MTAP: variants seen among roughly 807,000 people sequenced by gnomAD.
MTAP encodes the protein S-methyl-5'-thioadenosine phosphorylase.
MTAP carries 33 observed loss-of-function variants against 33.6 expected under a neutral mutation model. The observed-to-expected ratio is 0.98, with a 90% CI of 0.74 to 1.31. MTAP has a LOEUF of 1.31. Among genes scored for constraint, MTAP ranks in the 40% most tolerant of loss-of-function variants. MTAP has a pLI of 0.00. For synonymous variants in MTAP, 148 were observed against 125.7 expected (o/e 1.18, Z -1.19); for missense variants, 367 against 360.0 (o/e 1.02, Z -0.16).
chr9:21,888,096 C>T (rs562568509), intron 1 of MTAP, among the ~76,000 whole-genome samples: 1 of 152,214 alleles, frequency 6.6e-6, no homozygotes, highest in South Asian at 2.1e-4. Flanking sequence ...CATTTAGGAG[C>T]AGGTTATTTA....
intron 1 of MTAP, chr9:21,930,359 G>T: frequency 4.9e-6 from 1 of 204,654 alleles, no homozygotes; most frequent in Admixed American, 5.4e-5. Context: ...CTGTGTTTGT[G>T]GCCAATCAGT....
At chr9:21,832,542 C>T (rs1824994542) in intron 4 of MTAP, among the ~76,000 whole-genome samples, 1 of 152,194 alleles carries the variant, frequency 6.6e-6, no homozygotes, top group Non-Finnish European at 1.5e-5. Context: ...GAAACTTAAG[C>T]ATAAACTCTT....
At chr9:21,881,607 A>C (rs1187409467) in intron 1 of MTAP, among the ~76,000 whole-genome samples, 2 of 152,084 alleles carry the variant, frequency 1.3e-5, no homozygotes, top group Admixed American at 1.3e-4. Flanking sequence ...TGATGATAGC[A>C]AATAACCAAT....
chr9:21,879,497 T>G (rs1181206857), intron 1 of MTAP, among the ~76,000 whole-genome samples: 1 of 152,130 alleles, frequency 6.6e-6, no homozygotes, highest in Non-Finnish European at 1.5e-5. Flanking sequence ...ATCTTGTTTT[T>G]TTTATCCAGC....
downstream of MTAP, among the ~76,000 whole-genome samples, chr9:21,870,725 A>G (rs999072555): frequency 1.3e-5 from 2 of 151,490 alleles, no homozygotes; most frequent in Admixed American, 1.3e-4. Flanking sequence ...AATCTTTGGG[A>G]TCAGATATTT....
At position 21,854,630 on chromosome 9, in the gene MTAP, G is replaced by A. The variant is rs1442234626; in HGVS notation, c.451-1G>A. 8 of 1,538,980 alleles carry A rather than the reference G, an allele frequency of 5.2e-6. No homozygotes were observed. The highest frequency in any genetic ancestry group is 6.1e-6 in the Non-Finnish European group (7 of 1,144,280). Reference sequence around the variant, plus strand: ...TGAAGTTTCTGGTTTTTCTTTTCTAGGTTCTTATAGAGACTGCTAAGAAGC... The same window carrying A: ...TGAAGTTTCTGGTTTTTCTTTTCTAAGTTCTTATAGAGACTGCTAAGAAGC... On this transcript the variant is annotated splice_acceptor_variant, in intron 5 of 7. Transcript: ENST00000644715. LOFTEE classifies it high-confidence loss of function.
intron 5 of MTAP, 81 bp from the exon 6 acceptor site, chr9:21,854,550 T>G: frequency 6.9e-7 from 1 of 1,452,880 alleles, no homozygotes. Context: ...AGAAATCAAC[T>G]TGGTAAACAT....
At chr9:21,844,003 A>G (rs1458057091) in intron 5 of MTAP, among the ~76,000 whole-genome samples, 1 of 152,356 alleles carries the variant, frequency 6.6e-6, no homozygotes, top group Admixed American at 6.5e-5. Flanking sequence ...TTAACCAAGA[A>G]GAGAAAAGAT....
intron 1 of MTAP, among the ~76,000 whole-genome samples, chr9:21,878,744 A>G (rs564034732): frequency 1.8e-3 from 281 of 152,256 alleles, no homozygotes; most frequent in African/African-American, 6.6e-3. Context: ...CAGAAATTTT[A>G]GCAAGTTGTA....
intron 7 of MTAP, 74 bp from the exon 8 acceptor site, chr9:21,861,902 T>TG (rs1039332205): frequency 4.4e-4 from 400 of 915,072 alleles, no homozygotes; most frequent in East Asian, 1.1e-3. Flanking sequence ...AATCAAAATC[T>TG]GTTTTTTTTT....
downstream of MTAP, chr9:21,932,274 T>C (rs1818973812): frequency 6.6e-6 from 1 of 152,180 alleles, no homozygotes; most frequent in Non-Finnish European, 1.5e-5. Flanking sequence ...AGACACTTGG[T>C]CTATAGTTTA....
downstream of MTAP, among the ~76,000 whole-genome samples, chr9:21,939,604 C>A (rs953434744): frequency 6.6e-6 from 1 of 152,096 alleles, no homozygotes; most frequent in East Asian, 1.9e-4. Flanking sequence ...TATCTCATGC[C>A]TGTAATCCCA....
chr9:21,876,773 A>G (rs1253793128), intron 1 of MTAP, among the ~76,000 whole-genome samples: 3 of 151,762 alleles, frequency 2.0e-5, no homozygotes, highest in Non-Finnish European at 2.9e-5. Context: ...TGCAGTTTGG[A>G]TTATAGTTCG....
downstream of MTAP, among the ~76,000 whole-genome samples, chr9:21,939,694 G>A (rs1819103094): frequency 6.7e-6 from 1 of 149,750 alleles, no homozygotes; most frequent in Admixed American, 6.6e-5. Context: ...TGAAACCCCA[G>A]CTCTATGAAA....
chr9:21,885,368 T>A (rs1818091907), intron 1 of MTAP, among the ~76,000 whole-genome samples: 1 of 152,194 alleles, frequency 6.6e-6, no homozygotes, highest in South Asian at 2.1e-4. Context: ...AACCTAAAGG[T>A]TCTGGGCACC....
At chr9:21,898,242 TA>T (rs1248334673) in intron 1 of MTAP, among the ~76,000 whole-genome samples, 1 of 152,188 alleles carries the variant, frequency 6.6e-6, no homozygotes, top group African/African-American at 2.4e-5. Flanking sequence ...CAAGGTGGAT[TA>T]AAGACTTAAA....
intron 1 of MTAP, among the ~76,000 whole-genome samples, chr9:21,809,977 A>G (rs1373443651): frequency 2.0e-5 from 3 of 152,210 alleles, no homozygotes; most frequent in Non-Finnish European, 4.4e-5. Context: ...CTTTAGACTG[A>G]TATCTGTACT....
chr9:21,892,120 A>G (rs1301171822), intron 1 of MTAP: 2 of 152,222 alleles, frequency 1.3e-5, no homozygotes, highest in African/African-American at 4.8e-5. Context: ...TCCTAAAGGA[A>G]GTGCTAAATG....
At chr9:21,933,124 G>A (rs1156888606), downstream of MTAP, 2 of 152,216 alleles carry the variant, frequency 1.3e-5, no homozygotes, top group Non-Finnish European at 2.9e-5. Context: ...TCCACACTGA[G>A]TGTAGGTATA....
Sources: allele counts gnomAD v4.1 joint callset (sites outside exome capture counted in the v4.1 genomes callset), GRCh38; gene constraint gnomAD v4.1.1; transcripts MANE v1.5; gene names NCBI Gene and HGNC (gene_info 2026-07-23, HGNC 2026-07-21).